Variants in HEMK2 observed in about 807,000 individuals in gnomAD.
HEMK2 encodes the protein methyltransferase HEMK2.
At chr21:28,846,128 T>A in the HEMK2 span, among the ~76,000 whole-genome samples, 23,627 of 152,182 alleles carry the variant, frequency 0.16, 2,258 homozygotes, top group East Asian at 0.49. Context: ...AACATAATCT[T>A]ATTCTTTTTT....
the HEMK2 span, among the ~76,000 whole-genome samples, chr21:28,788,217 T>TATATATACGTATATAC: frequency 2.2e-5 from 3 of 134,496 alleles, no homozygotes; most frequent in African/African-American, 9.3e-5. Context: ...TACGTATATA[T>TATATATACGTATATAC]GTATATATAC....
the HEMK2 span, among the ~76,000 whole-genome samples, chr21:28,698,828 A>C: frequency 6.6e-6 from 1 of 152,200 alleles, no homozygotes; most frequent in African/African-American, 2.4e-5. Flanking sequence ...TTCCCTGATT[A>C]GATATTTTCC....
At chr21:28,864,815 A>ATAGATAGG in the HEMK2 span, among the ~76,000 whole-genome samples, 1 of 83,606 alleles carries the variant, frequency 1.2e-5, no homozygotes, top group South Asian at 5.2e-4. Flanking sequence ...TGAAAGACAG[A>ATAGATAGG]CAGACAGATA....
the HEMK2 span, among the ~76,000 whole-genome samples, chr21:28,831,734 G>GGAAGGAAAGAGAGAAA: frequency 2.2e-4 from 3 of 13,648 alleles, no homozygotes; most frequent in Non-Finnish European, 2.8e-4. Flanking sequence ...AAGGAAGGAA[G>GGAAGGAAAGAGAGAAA]GAAAGAAAGA....
At chr21:28,654,104 A>G in the HEMK2 span, among the ~76,000 whole-genome samples, 1 of 152,178 alleles carries the variant, frequency 6.6e-6, no homozygotes, top group Non-Finnish European at 1.5e-5. Context: ...CATGAAGAGG[A>G]AGATCTGATA....
chr21:28,771,660 T>C, the HEMK2 span, among the ~76,000 whole-genome samples: 1 of 152,126 alleles, frequency 6.6e-6, no homozygotes, highest in Non-Finnish European at 1.5e-5. Flanking sequence ...TCTGTGTCCA[T>C]TTTAACAGTC....
chr21:28,818,317 A>G, the HEMK2 span, among the ~76,000 whole-genome samples: 2 of 152,142 alleles, frequency 1.3e-5, no homozygotes, highest in Non-Finnish European at 2.9e-5. Flanking sequence ...TGAAGGCTGC[A>G]CTGTTGGCTT....
the HEMK2 span, chr21:28,883,074 G>GAA: frequency 3.2e-6 from 5 of 1,560,752 alleles, no homozygotes; most frequent in South Asian, 3.5e-5. Flanking sequence ...TTTCCACTCT[G>GAA]AAAAAAAAAT....
the HEMK2 span, among the ~76,000 whole-genome samples, chr21:28,764,306 G>T: frequency 6.6e-6 from 1 of 152,056 alleles, no homozygotes; most frequent in Admixed American, 6.6e-5. Context: ...TATTTGCTAT[G>T]TGGAAAAGAG....
At chr21:28,598,297 C>T in the HEMK2 span, among the ~76,000 whole-genome samples, 1 of 152,228 alleles carries the variant, frequency 6.6e-6, no homozygotes, top group African/African-American at 2.4e-5. Context: ...TATGATCTAC[C>T]GTGAATGATT....
the HEMK2 span, among the ~76,000 whole-genome samples, chr21:28,831,158 G>A: frequency 6.6e-6 from 1 of 151,848 alleles, no homozygotes; most frequent in Non-Finnish European, 1.5e-5. Context: ...AAAAAGAACA[G>A]TATTAGCTGG....
chr21:28,862,570 C>T, the HEMK2 span, among the ~76,000 whole-genome samples: 4 of 123,012 alleles, frequency 3.3e-5, no homozygotes, highest in East Asian at 7.8e-4. Flanking sequence ...ACCCGGGAAG[C>T]GGAGCTTGCA....
chr21:28,689,568 A>G, the HEMK2 span, among the ~76,000 whole-genome samples: 216 of 152,298 alleles, frequency 1.4e-3, 1 homozygote, highest in African/African-American at 4.8e-3. Flanking sequence ...ACACAAAACA[A>G]GGTATAAGGC....
the HEMK2 span, among the ~76,000 whole-genome samples, chr21:28,681,784 A>G: frequency 6.6e-6 from 1 of 152,046 alleles, no homozygotes; most frequent in Non-Finnish European, 1.5e-5. Flanking sequence ...AAACCTGACA[A>G]AAACAAGCAA....
chr21:28,655,990 C>T, the HEMK2 span, among the ~76,000 whole-genome samples: 1 of 151,986 alleles, frequency 6.6e-6, no homozygotes, highest in African/African-American at 2.4e-5. Context: ...AAAATTTGTG[C>T]ACGATTAGAA....
the HEMK2 span, among the ~76,000 whole-genome samples, chr21:28,669,908 G>T: frequency 6.6e-6 from 1 of 152,226 alleles, no homozygotes; most frequent in East Asian, 1.9e-4. Flanking sequence ...AAGGGGCTCA[G>T]ACTTTAAGCA....
At chr21:28,797,171 C>CT in the HEMK2 span, among the ~76,000 whole-genome samples, 3 of 152,156 alleles carry the variant, frequency 2.0e-5, no homozygotes, top group African/African-American at 4.8e-5. Context: ...TCTGCAGACT[C>CT]TAACTCTTCA....
At chr21:28,884,133 T>C in the HEMK2 span, among the ~76,000 whole-genome samples, 49 of 152,304 alleles carry the variant, frequency 3.2e-4, 1 homozygote, top group East Asian at 7.9e-3. Context: ...CATAAATAAT[T>C]AGAATTCCAA....
At chr21:28,647,292 T>C in the HEMK2 span, among the ~76,000 whole-genome samples, 2 of 127,246 alleles carry the variant, frequency 1.6e-5, no homozygotes, top group South Asian at 2.5e-4. Flanking sequence ...GAGACTATCC[T>C]GGCCAACATG....
Sources: gnomAD v4.1 joint callset for allele counts (sites outside exome capture counted in the v4.1 genomes callset) on GRCh38, gnomAD v4.1.1 for gene constraint, MANE v1.5 for transcripts, NCBI Gene and HGNC (gene_info 2026-07-23, HGNC 2026-07-21) for gene names.